Variants in TMBIM4 observed in about 807,000 individuals in gnomAD.
The protein encoded by TMBIM4 is transmembrane BAX inhibitor motif containing 4.
Under a neutral mutation model 27.7 loss-of-function variants are expected in TMBIM4, and 28 were observed. That is an observed-to-expected ratio of 1.01 (90% confidence interval 0.75 to 1.38). The LOEUF (loss-of-function observed/expected upper bound fraction) is 1.38. Ranked by LOEUF, TMBIM4 falls within the 40% of genes most tolerant of loss-of-function variation. TMBIM4 has a pLI of 0.00. For missense variants in TMBIM4, 265 were observed against 277.5 expected (o/e 0.95, Z 0.32); for synonymous variants, 115 against 113.1 (o/e 1.02, Z -0.11).
At chr12:66,142,471 G>T (rs188187313) in intron 5 of TMBIM4, among the ~76,000 whole-genome samples, 130 of 151,106 alleles carry the variant, frequency 8.6e-4, no homozygotes, top group Non-Finnish European at 1.6e-3. Flanking sequence ...TCCTAGGTCT[G>T]AGATAAAGGA....
intron 3 of TMBIM4, among the ~76,000 whole-genome samples, chr12:66,150,581 T>G (rs2051829327): frequency 6.6e-6 from 1 of 151,688 alleles, no homozygotes; most frequent in Non-Finnish European, 1.5e-5. Context: ...TCTGGCTAAT[T>G]TTTGTATTTT....
intron 5 of TMBIM4, chr12:66,145,215 G>T (rs2136853241): frequency 6.6e-6 from 1 of 152,272 alleles, no homozygotes; most frequent in Non-Finnish European, 1.5e-5. Flanking sequence ...GGGGAGGAAA[G>T]AAAGTTTAGC....
At chr12:66,140,766 T>G (rs142627265) in intron 5 of TMBIM4, among the ~76,000 whole-genome samples, 4 of 152,224 alleles carry the variant, frequency 2.6e-5, no homozygotes, top group African/African-American at 9.6e-5. Flanking sequence ...AGGAAAACTT[T>G]ACATTGTCAG....
In TMBIM4 at chr12:66,136,574, A is replaced by G. The variant is rs2051583575; in HGVS notation, c.*1386T>C. The G allele has an allele frequency of 6.5e-6, 1 of 152,762 alleles. No individual in the cohort carries two copies. Among genetic ancestry groups the G allele is most frequent in the Non-Finnish European group, 1.5e-5 (1 of 68,216 alleles). 9.5% of individuals were successfully genotyped at this position (152,762 alleles called of 1,614,324 possible). A position where few individuals can be genotyped will look rare whatever the true frequency, so the allele number is the denominator to read the frequency against. On this transcript the variant is annotated 3_prime_UTR_variant, in exon 7 of 7. Transcript: ENST00000358230. ...TAGGTTTTGAAAGAGATAATTAAGG[A>G]AAAATGAGGTCCTCAGTGTGGGCCC... is the stretch of plus-strand genomic sequence containing the variant.
chr12:66,166,342 G>C (rs780210683), intron 1 of TMBIM4, among the ~76,000 whole-genome samples: 10 of 151,806 alleles, frequency 6.6e-5, no homozygotes, highest in Non-Finnish European at 1.2e-4. Context: ...GCATGTGCCT[G>C]TAGTTCCAGC....
chr12:66,152,218 A>G, intron 3 of TMBIM4, 53 bp downstream of exon 3: 1 of 1,150,920 alleles, frequency 8.7e-7, no homozygotes, highest in Non-Finnish European at 1.2e-6. Flanking sequence ...ATATGCATTT[A>G]TTTAAAACTC....
chr12:66,160,097 G>A, intron 1 of TMBIM4: 1 of 663,466 alleles, frequency 1.5e-6, no homozygotes, highest in South Asian at 1.7e-5. Flanking sequence ...AACTGCTTTT[G>A]CACAATGGCA....
chr12:66,163,066 C>T (rs2052068621), intron 1 of TMBIM4, among the ~76,000 whole-genome samples: 2 of 152,140 alleles, frequency 1.3e-5, no homozygotes, highest in Admixed American at 1.3e-4. Flanking sequence ...AATGGTGGTA[C>T]CTTGAGTCAC....
At chr12:66,159,612 C>T (rs2136877490) in intron 1 of TMBIM4, among the ~76,000 whole-genome samples, 1 of 152,336 alleles carries the variant, frequency 6.6e-6, no homozygotes, top group East Asian at 1.9e-4. Context: ...CAATTTGTTA[C>T]AAAGCAATAG....
At position 66,169,990 on chromosome 12, in the gene TMBIM4, C is replaced by G; in HGVS notation, c.-39G>C. The G allele has an allele frequency of 7.2e-7, 1 of 1,395,926 alleles. No individual in the cohort carries two copies. The highest frequency in any genetic ancestry group is 1.4e-5 in the South Asian group (1 of 71,790). 86.5% of individuals were successfully genotyped at this position (1,395,926 alleles called of 1,614,324 possible). A position where few individuals can be genotyped will look rare whatever the true frequency, so the allele number is the denominator to read the frequency against. ...CCCCTACCGGTCCCGGTCCACTAACCGCAACCGCCTCCTCCCCACTTCCGC... is the reference window on the plus strand; with the variant it reads ...CCCCTACCGGTCCCGGTCCACTAACGGCAACCGCCTCCTCCCCACTTCCGC... On this transcript the variant is annotated 5_prime_UTR_variant, in exon 1 of 7. Transcript: ENST00000358230.
chr12:66,160,055 G>A, intron 1 of TMBIM4: 1 of 575,496 alleles, frequency 1.7e-6, no homozygotes, highest in South Asian at 2.2e-5. Flanking sequence ...GTTTTATTGG[G>A]ACACAATCAC....
At chr12:66,155,809 A>C (rs184058138) in intron 1 of TMBIM4, among the ~76,000 whole-genome samples, 1 of 152,342 alleles carries the variant, frequency 6.6e-6, no homozygotes, top group Admixed American at 6.5e-5. Context: ...ATTTGTATAT[A>C]TGTACACAAG....
chr12:66,138,902 T>A, intron 5 of TMBIM4, 133 bp from the exon 6 acceptor site: 1 of 1,264,722 alleles, frequency 7.9e-7, no homozygotes, highest in Non-Finnish European at 1.0e-6. Flanking sequence ...TAAGAATTTG[T>A]AAACATACAA....
At chr12:66,169,717 A>T in intron 1 of TMBIM4, 138 bp downstream of exon 1, 2 of 591,690 alleles carry the variant, frequency 3.4e-6, no homozygotes, top group Non-Finnish European at 2.8e-6. Context: ...TACCCGGAGA[A>T]GGAGGGCCGG....
Position 66,137,823 on chromosome 12 carries a change from T to C in TMBIM4, c.*137A>G, listed in dbSNP as rs11176054. On this transcript the variant is annotated 3_prime_UTR_variant, in exon 7 of 7. Coordinates refer to ENST00000358230, the MANE Select transcript of TMBIM4 (RefSeq NM_016056.4). ...AAATTACATATGATACAAATAAAGA[T>C]TGTAACAGTATTTAATCATTGTTTC... 227,974 of 655,176 alleles carry C rather than the reference T, an allele frequency of 0.35. 40,755 individuals carry two copies. Among genetic ancestry groups the C allele is most frequent in the South Asian group, 0.41 (20,355 of 50,238 alleles). The allele number at this position is 655,176 out of a possible 1,614,324, so 40.6% of individuals were successfully genotyped here. A position where few individuals can be genotyped will look rare whatever the true frequency, so the allele number is the denominator to read the frequency against.
intron 1 of TMBIM4, 83 bp downstream of exon 1, chr12:66,169,772 T>C: frequency 9.0e-7 from 1 of 1,117,272 alleles, no homozygotes; most frequent in Non-Finnish European, 1.2e-6. Context: ...ATGGCCGCTC[T>C]CCCTCGGAAG....
rs1224642871 is a variant in TMBIM4 at position 66,147,913 on chromosome 12, A to G, written c.341T>C (p.Val114Ala). The change falls in exon 4 of 7, where the codon GTT becomes GCT. Residue 114 changes from valine to alanine, a missense_variant. Physicochemically the swap from Val to Ala is moderately conservative, Grantham distance 64. Coordinates refer to ENST00000358230, the MANE Select transcript of TMBIM4 (RefSeq NM_016056.4). Reference sequence around the variant, plus strand: ...GAAATGCAGTTACGGCTTACCAACAACTGCCACAGTCAGAGCTTCCAACAG... The same window carrying G: ...GAAATGCAGTTACGGCTTACCAACAGCTGCCACAGTCAGAGCTTCCAACAG... ...FTLLEALTVA[V>A]VVTFYDVYII... The G allele has an allele frequency of 6.2e-7, 1 of 1,611,446 alleles. No individual in the cohort carries two copies. The highest frequency in any genetic ancestry group is 1.7e-5 in the Admixed American group (1 of 59,728).
chr12:66,147,660 T>C (rs1027148778), intron 4 of TMBIM4, among the ~76,000 whole-genome samples: 1 of 152,224 alleles, frequency 6.6e-6, no homozygotes, highest in African/African-American at 2.4e-5. Flanking sequence ...TTTTTCTAAA[T>C]GGGTAAACAA....
intron 1 of TMBIM4, among the ~76,000 whole-genome samples, chr12:66,164,866 A>C (rs1228129258): frequency 6.6e-6 from 1 of 152,226 alleles, no homozygotes; most frequent in South Asian, 2.1e-4. Context: ...TGTTAGAATA[A>C]ATGAATTCAG....
Sources: allele counts gnomAD v4.1 joint callset (sites outside exome capture counted in the v4.1 genomes callset), GRCh38; gene constraint gnomAD v4.1.1; transcripts MANE v1.5; gene names NCBI Gene and HGNC (gene_info 2026-07-23, HGNC 2026-07-21).